Variants in TBC1D10A observed in about 807,000 individuals in gnomAD.
TBC1D10A encodes the protein EBP50-PDX interactor of 64 kDa.
A neutral mutation model predicts 52.9 loss-of-function variants in TBC1D10A; 24 were observed. That is an observed-to-expected ratio of 0.45 (90% CI 0.33 to 0.64). The LOEUF (loss-of-function observed/expected upper bound fraction) is 0.64. TBC1D10A is among the 30% of genes least tolerant of loss of function. The pLI is 0.02. For missense variants in TBC1D10A, 602 were observed against 687.9 expected (o/e 0.88, Z 1.40); for synonymous variants, 278 against 282.9 (o/e 0.98, Z 0.17).
chr22:30,292,897 C>T (rs1929982932), intron 8 of TBC1D10A, 46 bp from the exon 9 acceptor site: 2 of 1,594,272 alleles, frequency 1.3e-6, no homozygotes, highest in Non-Finnish European at 1.7e-6. Context: ...GAAGAAGGAC[C>T]TTCCCCTTCT....
At chr22:30,319,981 A>G (rs1259404131) in intron 1 of TBC1D10A, among the ~76,000 whole-genome samples, 1 of 152,200 alleles carries the variant, frequency 6.6e-6, no homozygotes, top group Admixed American at 6.5e-5. Context: ...AGTGCTATGT[A>G]GCTAGAGGAG....
At chr22:30,318,874 G>A in intron 1 of TBC1D10A, 1 of 362,944 alleles carries the variant, frequency 2.8e-6, no homozygotes, top group South Asian at 2.0e-5. Context: ...GGAGGCCTCA[G>A]CCTGACATTC....
intron 4 of TBC1D10A, 131 bp from the exon 5 acceptor site, chr22:30,295,186 G>A: frequency 1.2e-6 from 1 of 841,154 alleles, no homozygotes; most frequent in Non-Finnish European, 1.9e-6. Flanking sequence ...TCTGCTTGTG[G>A]TCACCAAGGG....
Position 30,294,912 on chromosome 22 carries a change from C to A in TBC1D10A, c.639+29G>T, listed in dbSNP as rs375153300. On this transcript the variant is annotated intron_variant, in intron 5 of 8. Coordinates refer to ENST00000215790, the MANE Select transcript of TBC1D10A (RefSeq NM_031937.3). ...TTGCCGTTGGGGGTTCCCCACCCAC[C>A]CCCCTGCCTGCCCGGGGCCTGGTGG... The A allele has an allele frequency of 2.5e-6, 4 of 1,614,052 alleles. No individual in the cohort carries two copies. In the East Asian group the frequency reaches 8.9e-5, roughly 36 times the overall value.
At chr22:30,304,716 C>T in intron 1 of TBC1D10A, 86 bp from the exon 2 acceptor site, 2 of 1,539,132 alleles carry the variant, frequency 1.3e-6, no homozygotes, top group Admixed American at 4.2e-5. Context: ...CTGGTCAGAC[C>T]TCCATTCTTC....
In TBC1D10A at chr22:30,326,581, G is replaced by A. The variant is rs1158363624; in HGVS notation, c.209+92C>T. The A allele has an allele frequency of 5.6e-6, 7 of 1,246,266 alleles. No individual in the cohort carries two copies. The Admixed American group carries it at 1.3e-4, about 23-fold the overall frequency. The allele number at this position is 1,246,266 out of a possible 1,614,324, so 77.2% of individuals were successfully genotyped here. Reference sequence around the variant, plus strand: ...GATTAGTGGTCCCTGCCTGGGAGGGGGACGTGTCGGCAAGTCCCGAGGGCG... The same window carrying A: ...GATTAGTGGTCCCTGCCTGGGAGGGAGACGTGTCGGCAAGTCCCGAGGGCG... On this transcript the variant is annotated intron_variant, in intron 1 of 8. Coordinates refer to ENST00000215790, the MANE Select transcript of TBC1D10A (RefSeq NM_031937.3).
rs368312026 is a variant in TBC1D10A, at chr22:30,292,827, G to A, written c.1075C>T (p.Arg359Cys). Reference protein sequence around the residue: ...QEVVELPVTERQIEREHLIQL... With the variant: ...QEVVELPVTECQIEREHLIQL... ...ATGAGGTGTTCGCGCTCAATCTGGC[G>A]CTCTGTCACGGGCAACTCCACCACC... Residue 359 changes from arginine (R) to cysteine (C), a missense_variant, in exon 9 of 9, where the codon CGC becomes TGC. By Grantham distance (180) the Arg-to-Cys change is radical (BLOSUM62 -3). Coordinates refer to ENST00000215790, the MANE Select transcript of TBC1D10A (RefSeq NM_031937.3). 16 of 1,611,100 alleles carry A rather than the reference G, an allele frequency of 9.9e-6. No individual in the cohort carries two copies. The highest frequency in any genetic ancestry group is 1.3e-5 in the Non-Finnish European group (15 of 1,179,930).
rs1203254970 is a variant in TBC1D10A at position 30,294,846 on chromosome 22, G to C, written c.655C>G (p.Leu219Val). The change falls in exon 6 of 9, where the codon CTG becomes GTG. Residue 219 changes from leucine to valine, a missense_variant. By Grantham distance (32) the Leu-to-Val change is conservative. This residue lies in a region of TBC1D10A where 136 missense variants were observed against 208.4 expected (regional missense o/e 0.65). Transcript: ENST00000215790. ...AGGTACTTCTCACAGATCTGTACCAGGCACCAGAAGGCTTGCTGTGGGCAA... is the reference window on the plus strand; with the variant it reads ...AGGTACTTCTCACAGATCTGTACCACGCACCAGAAGGCTTGCTGTGGGCAA... ...HMPAEQAFWC[L>V]VQICEKYLPG... The C allele has an allele frequency of 1.2e-6, 2 of 1,614,188 alleles. No homozygotes were observed. The highest frequency in any genetic ancestry group is 2.2e-5 in the South Asian group (2 of 91,084).
At chr22:30,320,019 AT>A (rs1693390304) in intron 1 of TBC1D10A, among the ~76,000 whole-genome samples, 1 of 152,214 alleles carries the variant, frequency 6.6e-6, no homozygotes, top group East Asian at 1.9e-4. Flanking sequence ...AGGACCTGGG[AT>A]CCCTCTCCGG....
At chr22:30,309,027 T>C (rs2145775823) in intron 1 of TBC1D10A, among the ~76,000 whole-genome samples, 1 of 152,286 alleles carries the variant, frequency 6.6e-6, no homozygotes, top group South Asian at 2.1e-4. Flanking sequence ...TGGGGAAGGC[T>C]GTGGGGAAAT....
chr22:30,307,324 T>C (rs2145774216), intron 1 of TBC1D10A, among the ~76,000 whole-genome samples: 1 of 152,268 alleles, frequency 6.6e-6, no homozygotes, highest in Non-Finnish European at 1.5e-5. Context: ...TGAGGGAGTC[T>C]CTGAAGCCAA....
In TBC1D10A at chr22:30,294,024, C is replaced by A; in HGVS notation, c.792G>T (p.Lys264Asn). The part of the protein sequence containing the change: ...PVAHKHLSRQ[K>N]IDPLLYMTEW... ...CTGTCATATAGAGGAGCGGGTCGAT[C>A]TTCTGACGGCTGAGGTGCTTGTGGG... is the stretch of plus-strand genomic sequence containing the variant. The change falls in exon 7 of 9, where the codon AAG becomes AAT. Residue 264 changes from lysine to asparagine, a missense_variant. Lys to Asn is a moderately conservative substitution (Grantham distance 94, BLOSUM62 0). Coordinates refer to ENST00000215790, the MANE Select transcript of TBC1D10A (RefSeq NM_031937.3). 1 of 1,614,166 alleles carries A rather than the reference C, an allele frequency of 6.2e-7. No homozygotes were observed. Among genetic ancestry groups the A allele is most frequent in the Non-Finnish European group, 8.5e-7 (1 of 1,180,020 alleles).
At chr22:30,308,832 G>GT (rs1317135439) in intron 1 of TBC1D10A, among the ~76,000 whole-genome samples, 1 of 152,192 alleles carries the variant, frequency 6.6e-6, no homozygotes, top group African/African-American at 2.4e-5. Context: ...AATTGTACGT[G>GT]TCCCTCTAAT....
At chr22:30,307,391 G>A (rs888552203) in intron 1 of TBC1D10A, among the ~76,000 whole-genome samples, 1 of 152,170 alleles carries the variant, frequency 6.6e-6, no homozygotes, top group African/African-American at 2.4e-5. Flanking sequence ...CTCCTCCAGG[G>A]ATGGGCCTTC....
intron 1 of TBC1D10A, chr22:30,318,926 T>C (rs941348843): frequency 2.9e-6 from 1 of 348,032 alleles, no homozygotes; most frequent in Non-Finnish European, 5.7e-6. Context: ...CTGGACTAAC[T>C]TTTATGCAAC....
chr22:30,318,937 A>G, intron 1 of TBC1D10A: 1 of 341,218 alleles, frequency 2.9e-6, no homozygotes, highest in South Asian at 2.2e-5. Context: ...TTTATGCAAC[A>G]CAAGAGGCCT....
intron 1 of TBC1D10A, 166 bp from the exon 2 acceptor site, chr22:30,304,796 C>T: frequency 7.6e-7 from 1 of 1,314,282 alleles, no homozygotes; most frequent in Middle Eastern, 2.7e-4. Flanking sequence ...TGAGAGGGAA[C>T]ACGCCACCTC....
chr22:30,314,643 C>A (rs1930495867), intron 1 of TBC1D10A, among the ~76,000 whole-genome samples: 4 of 152,042 alleles, frequency 2.6e-5, no homozygotes, highest in African/African-American at 9.7e-5. Context: ...GACCCTGTCT[C>A]TACAAAATTG....
At chr22:30,303,506 T>C (rs1249963114) in intron 2 of TBC1D10A, among the ~76,000 whole-genome samples, 2 of 152,206 alleles carry the variant, frequency 1.3e-5, no homozygotes, top group Non-Finnish European at 2.9e-5. Flanking sequence ...CCAGAGAAGC[T>C]GAGGCTGAGA....
Sources: gnomAD v4.1 joint callset for allele counts (sites outside exome capture counted in the v4.1 genomes callset) on GRCh38, gnomAD v4.1.1 for gene constraint, gnomAD v4.1.1 regional missense constraint, MANE v1.5 for transcripts, NCBI Gene and HGNC (gene_info 2026-07-23, HGNC 2026-07-21) for gene names.